SPEF2: variants seen among roughly 807,000 people sequenced by gnomAD.
The protein encoded by SPEF2 is sperm flagellar and cilia associated 2.
Under a neutral mutation model 224.6 loss-of-function variants are expected in SPEF2, and 187 were observed. That is an observed-to-expected ratio of 0.83 (90% CI 0.74 to 0.94). The LOEUF (loss-of-function observed/expected upper bound fraction) is 0.94. SPEF2 is among the 40% of genes least tolerant of loss of function. The pLI, the probability that SPEF2 is intolerant of heterozygous loss-of-function variation, is 0.00. For synonymous variants in SPEF2, 715 were observed against 707.3 expected (o/e 1.01, Z -0.17); for missense variants, 2,170 against 2,135.6 (o/e 1.02, Z -0.32).
At chr5:35,810,038 C>G (rs1758436676) in intron 36 of SPEF2, among the ~76,000 whole-genome samples, 1 of 152,124 alleles carries the variant, frequency 6.6e-6, no homozygotes, top group Non-Finnish European at 1.5e-5. Context: ...ATCAGTATGA[C>G]TTGAAAATAT....
intron 1 of SPEF2, among the ~76,000 whole-genome samples, chr5:35,625,145 G>C (rs1744058598): frequency 6.6e-6 from 1 of 152,022 alleles, no homozygotes; most frequent in South Asian, 2.1e-4. Context: ...TGGTAAATCT[G>C]AAGTGTCTTA....
At chr5:35,703,271 G>A (rs1024652551) in intron 16 of SPEF2, among the ~76,000 whole-genome samples, 3 of 152,040 alleles carry the variant, frequency 2.0e-5, no homozygotes, top group African/African-American at 7.2e-5. Flanking sequence ...TATCATTTAA[G>A]GCTGGTACAG....
chr5:35,704,006 T>G (rs1739230339), intron 16 of SPEF2, among the ~76,000 whole-genome samples: 1 of 152,202 alleles, frequency 6.6e-6, no homozygotes, highest in African/African-American at 2.4e-5. Context: ...CTTTGTACCA[T>G]TAATCCAGAA....
At position 35,667,186 on chromosome 5, in the gene SPEF2, G is replaced by A. The variant is rs764531785; in HGVS notation, c.1282G>A (p.Val428Ile). The change falls in exon 9 of 37, where the codon GTA becomes ATA. Residue 428 changes from valine (V) to isoleucine (I), a missense_variant. By Grantham distance (29) the Val-to-Ile change is conservative (BLOSUM62 3). Coordinates refer to ENST00000356031, the MANE Select transcript of SPEF2 (RefSeq NM_024867.4). ...AQARYEKHYS[V>I]CAEILDQIVD... ...AGCTCGTTATGAAAAGCATTATTCA[G>A]TATGTGCAGAAATTTTGGATCAAAT... 3 of 1,610,886 alleles carry A rather than the reference G, an allele frequency of 1.9e-6. No individual in the cohort carries two copies. The highest frequency in any genetic ancestry group is 1.7e-5 in the Admixed American group (1 of 59,708).
At chr5:35,701,986 A>C (rs1282538085) in intron 16 of SPEF2, among the ~76,000 whole-genome samples, 3 of 152,174 alleles carry the variant, frequency 2.0e-5, no homozygotes, top group African/African-American at 7.2e-5. Context: ...CTCCAAAAAA[A>C]TTGCATTGCT....
intron 23 of SPEF2, among the ~76,000 whole-genome samples, chr5:35,744,216 CT>C (rs761042812): frequency 6.6e-6 from 1 of 152,110 alleles, no homozygotes; most frequent in Non-Finnish European, 1.5e-5. Flanking sequence ...GTCTTTACAA[CT>C]TTTGTAAGAA....
intron 21 of SPEF2, among the ~76,000 whole-genome samples, chr5:35,728,563 C>T (rs1325417036): frequency 2.0e-5 from 3 of 152,148 alleles, no homozygotes; most frequent in African/African-American, 7.2e-5. Context: ...GCATTTGAGA[C>T]CCAATTATGA....
intron 19 of SPEF2, chr5:35,710,145 A>G: frequency 1.0e-6 from 1 of 985,234 alleles, no homozygotes; most frequent in Non-Finnish European, 1.2e-6. Context: ...TATCATGTCA[A>G]CAATAAAACA....
chr5:35,650,767 A>G (rs868343952), intron 6 of SPEF2, among the ~76,000 whole-genome samples: 4 of 152,176 alleles, frequency 2.6e-5, no homozygotes, highest in South Asian at 2.1e-4. Context: ...TACAGCTGCA[A>G]ACATTTACCT....
At chr5:35,722,874 C>T (rs1743990986) in intron 20 of SPEF2, among the ~76,000 whole-genome samples, 1 of 152,026 alleles carries the variant, frequency 6.6e-6, no homozygotes, top group Non-Finnish European at 1.5e-5. Context: ...TCACTCACTG[C>T]TTCTCAAGTC....
At chr5:35,767,379 T>G (rs1752227818) in intron 26 of SPEF2, among the ~76,000 whole-genome samples, 1 of 152,106 alleles carries the variant, frequency 6.6e-6, no homozygotes, top group Non-Finnish European at 1.5e-5. Context: ...TCTCTGTGTC[T>G]TTTCTGCTTT....
chr5:35,652,261 AAGG>A (rs1199662559), intron 6 of SPEF2, among the ~76,000 whole-genome samples: 3 of 152,180 alleles, frequency 2.0e-5, no homozygotes, highest in African/African-American at 4.8e-5. Context: ...CTAATTGATA[AAGG>A]AGAAGCAATT....
chr5:35,797,349 TG>T (rs1160995374), intron 33 of SPEF2, among the ~76,000 whole-genome samples: 2 of 151,810 alleles, frequency 1.3e-5, no homozygotes, highest in Non-Finnish European at 2.9e-5. Context: ...TGTGTGTGTG[TG>T]TGTGTGTGTG....
At chr5:35,725,462 C>A (rs1003743696) in intron 20 of SPEF2, among the ~76,000 whole-genome samples, 1 of 152,052 alleles carries the variant, frequency 6.6e-6, no homozygotes, top group Non-Finnish European at 1.5e-5. Flanking sequence ...ATAAAGCAGA[C>A]TTTCCCTATC....
chr5:35,690,529 G>A (rs1393148239), intron 10 of SPEF2, among the ~76,000 whole-genome samples: 1 of 152,044 alleles, frequency 6.6e-6, no homozygotes, highest in African/African-American at 2.4e-5. Flanking sequence ...ATGGAAGTCA[G>A]AGAATGTGAT....
chr5:35,804,385 G>T (rs1488844684), intron 34 of SPEF2, among the ~76,000 whole-genome samples: 2 of 152,198 alleles, frequency 1.3e-5, no homozygotes, highest in South Asian at 2.1e-4. Flanking sequence ...ACTGATAATT[G>T]CTCATTCAAA....
chr5:35,813,071 T>C (rs1242040361), intron 36 of SPEF2, among the ~76,000 whole-genome samples: 1 of 152,242 alleles, frequency 6.6e-6, no homozygotes, highest in African/African-American at 2.4e-5. Flanking sequence ...AGCTTATCAT[T>C]TTCCCCTTGC....
chr5:35,687,066 C>A (rs1209009434), intron 10 of SPEF2, among the ~76,000 whole-genome samples: 1 of 151,988 alleles, frequency 6.6e-6, no homozygotes, highest in African/African-American at 2.4e-5. Flanking sequence ...AATTGTGGAG[C>A]ATATAAGTGT....
rs571251008 is a variant in SPEF2, at chr5:35,713,221, G to A, written c.2914+335G>A. On this transcript the variant is annotated intron_variant, in intron 20 of 36. Coordinates refer to ENST00000356031, the MANE Select transcript of SPEF2 (RefSeq NM_024867.4). ...ATCAAGTTTTCTTGGACCCCTTATT[G>A]GATTTCCTTCACTGATAAGCACTTC... Among the ~76,000 whole-genome samples, 322 of 152,090 alleles carry A rather than the reference G, an allele frequency of 2.1e-3. 2 individuals carry two copies. Among genetic ancestry groups the A allele is most frequent in the African/African-American group, 7.5e-3 (312 of 41,490 alleles).
Sources: allele counts gnomAD v4.1 joint callset (sites outside exome capture counted in the v4.1 genomes callset), GRCh38; gene constraint gnomAD v4.1.1; transcripts MANE v1.5; gene names NCBI Gene and HGNC (gene_info 2026-07-23, HGNC 2026-07-21).